STRA8: variants seen among roughly 807,000 people sequenced by gnomAD.
The protein encoded by STRA8 is stimulated by retinoic acid 8, also known as stimulated by retinoic acid gene 8 protein homolog.
A neutral mutation model predicts 37.1 loss-of-function variants in STRA8; 18 were observed. That is an observed-to-expected ratio of 0.48 (90% CI 0.34 to 0.72). The LOEUF (loss-of-function observed/expected upper bound fraction) is 0.72, where lower values mean the gene tolerates loss of function less well. Ranked by LOEUF, STRA8 falls within the 30% of genes least tolerant of loss-of-function variation. The probability of loss-of-function intolerance (pLI) is 0.01; values close to 1 mark genes in which losing one functional copy is unlikely to be tolerated. For synonymous variants in STRA8, 168 were observed against 162.9 expected (o/e 1.03, Z -0.24); for missense variants, 357 against 410.4 (o/e 0.87, Z 1.13).
Position 135,255,542 on chromosome 7 carries a change from G to A in STRA8, c.1065+317G>A, listed in dbSNP as rs567412133. Among the ~76,000 whole-genome samples the A allele has an allele frequency of 2.2e-4, 34 of 152,350 alleles. No individual in the cohort carries two copies. The South Asian group carries it at 6.6e-3, about 30-fold the overall frequency. ...GGAACACAGCTGCACAGCAGAGGGTGAGCATGACAGCCTGAGCTTTGCCTG... is the reference window on the plus strand; with the variant it reads ...GGAACACAGCTGCACAGCAGAGGGTAAGCATGACAGCCTGAGCTTTGCCTG... On this transcript the variant is annotated intron_variant, in intron 8 of 8. Coordinates refer to ENST00000662584, the MANE Select transcript of STRA8 (RefSeq NM_001394401.1).
intron 1 of STRA8, among the ~76,000 whole-genome samples, chr7:135,235,689 G>A (rs559285472): frequency 7.0e-4 from 106 of 152,200 alleles, no homozygotes; most frequent in Middle Eastern, 3.4e-3. Flanking sequence ...TGATTCACCC[G>A]CCTTGGCCCC....
intron 2 of STRA8, among the ~76,000 whole-genome samples, chr7:135,242,152 G>C (rs1832475693): frequency 7.7e-6 from 1 of 129,060 alleles, no homozygotes; most frequent in Non-Finnish European, 1.6e-5. Context: ...GAAGGAAGGA[G>C]GGAAGGAGGG....
upstream of STRA8, among the ~76,000 whole-genome samples, chr7:135,232,849 G>A (rs141197929): frequency 2.1e-3 from 322 of 152,218 alleles, 1 homozygote; most frequent in African/African-American, 7.0e-3. Context: ...CCCCTGCTAC[G>A]CCTGCTAAGC....
chr7:135,244,211 A>G (rs960906359), intron 4 of STRA8, among the ~76,000 whole-genome samples: 1 of 152,200 alleles, frequency 6.6e-6, no homozygotes, highest in African/African-American at 2.4e-5. Context: ...GGCGCCTGCC[A>G]CCACGCCTGG....
upstream of STRA8, chr7:135,232,090 G>A: frequency 6.8e-7 from 1 of 1,470,016 alleles, no homozygotes; most frequent in Non-Finnish European, 9.4e-7. Context: ...TTTTCTGGGT[G>A]CACATCTGCT....
intron 8 of STRA8, among the ~76,000 whole-genome samples, chr7:135,255,850 G>A (rs1832697311): frequency 6.6e-6 from 1 of 152,238 alleles, no homozygotes; most frequent in Non-Finnish European, 1.5e-5. Context: ...CCAGGGGCCT[G>A]ACTCTCAGCA....
chr7:135,251,736 A>G, intron 6 of STRA8, 60 bp from the exon 7 acceptor site: 1 of 1,560,540 alleles, frequency 6.4e-7, no homozygotes, highest in Non-Finnish European at 8.8e-7. Context: ...CCAGCAGCCC[A>G]GGGCAAGCAT....
intron 8 of STRA8, among the ~76,000 whole-genome samples, chr7:135,255,675 G>T (rs1332298317): frequency 1.3e-5 from 2 of 152,206 alleles, no homozygotes; most frequent in Non-Finnish European, 2.9e-5. Flanking sequence ...TCTGACTAAT[G>T]CCTGATGATC....
intron 7 of STRA8, among the ~76,000 whole-genome samples, chr7:135,252,388 C>A (rs777501625): frequency 6.6e-6 from 1 of 152,052 alleles, no homozygotes; most frequent in Non-Finnish European, 1.5e-5. Context: ...AATCACACAC[C>A]CCCTCACCAG....
intron 1 of STRA8, among the ~76,000 whole-genome samples, chr7:135,234,156 G>C (rs1585463810): frequency 6.6e-6 from 1 of 151,814 alleles, no homozygotes; most frequent in Non-Finnish European, 1.5e-5. Context: ...ACCCAGGCTG[G>C]AGTGCAATGG....
chr7:135,258,531 T>C lies in STRA8; in HGVS notation c.*39T>C. 2.6e-6 allele frequency: 4 copies of C among 1,542,930 alleles called. No homozygotes were observed. Among genetic ancestry groups the C allele is most frequent in the Non-Finnish European group, 3.5e-6 (4 of 1,136,338 alleles). ...CTGCGAGGGGAGGGACTGAATGAGG[T>C]GGGCAGTTCCCAAGGTTGAATGCTG... On this transcript the variant is annotated 3_prime_UTR_variant, in exon 9 of 9. Transcript: ENST00000662584.
At chr7:135,257,701 A>T (rs1389157494) in intron 8 of STRA8, among the ~76,000 whole-genome samples, 1 of 152,212 alleles carries the variant, frequency 6.6e-6, no homozygotes, top group Admixed American at 6.5e-5. Context: ...TGCTGGGATT[A>T]CAGGCATTGA....
At chr7:135,247,623 AG>A (rs1364143124) in intron 6 of STRA8, among the ~76,000 whole-genome samples, 3 of 152,198 alleles carry the variant, frequency 2.0e-5, no homozygotes, top group Admixed American at 6.5e-5. Context: ...CTGGCCATAG[AG>A]GGAATCACAC....
intron 6 of STRA8, among the ~76,000 whole-genome samples, chr7:135,247,688 C>T (rs1024544349): frequency 6.6e-6 from 1 of 152,244 alleles, no homozygotes; most frequent in Non-Finnish European, 1.5e-5. Flanking sequence ...CCCCAAAGAG[C>T]ACTGGGATCG....
intron 2 of STRA8, among the ~76,000 whole-genome samples, chr7:135,241,328 G>A (rs145456216): frequency 0.013 from 1,985 of 152,152 alleles, 19 homozygotes; most frequent in African/African-American, 0.02. Flanking sequence ...ATGCAGCTGC[G>A]GTTCCCTTCA....
intron 7 of STRA8, among the ~76,000 whole-genome samples, chr7:135,252,738 G>A (rs1832653919): frequency 6.6e-6 from 1 of 152,124 alleles, no homozygotes; most frequent in Admixed American, 6.5e-5. Context: ...CCTGCCTTAA[G>A]TCCATTATAT....
At chr7:135,240,489 C>CAAA (rs34330846) in intron 1 of STRA8, 30 bp from the exon 2 acceptor site, 2 of 1,410,050 alleles carry the variant, frequency 1.4e-6, no homozygotes, top group Admixed American at 2.0e-5. Flanking sequence ...TTATCTAGGG[C>CAAA]AAAAAAAAAA....
At chr7:135,237,871 G>A (rs921983982) in intron 1 of STRA8, among the ~76,000 whole-genome samples, 2 of 151,398 alleles carry the variant, frequency 1.3e-5, no homozygotes, top group Non-Finnish European at 2.9e-5. Context: ...CAACCCAGGC[G>A]ACAGAGCCAG....
intron 3 of STRA8, 128 bp from the exon 4 acceptor site, chr7:135,243,198 G>A: frequency 3.5e-6 from 3 of 845,878 alleles, no homozygotes; most frequent in Non-Finnish European, 1.9e-6. Flanking sequence ...CTGGACCCTG[G>A]TCTCCCTAAT....
Sources: allele counts gnomAD v4.1 joint callset (sites outside exome capture counted in the v4.1 genomes callset), GRCh38; gene constraint gnomAD v4.1.1; transcripts MANE v1.5; gene names NCBI Gene and HGNC (gene_info 2026-07-23, HGNC 2026-07-21).